RNF144B: variants seen among roughly 807,000 people sequenced by gnomAD.
RNF144B encodes the protein ring finger protein 144B, also known as E3 ubiquitin-protein ligase RNF144B.
A neutral mutation model predicts 40.2 loss-of-function variants in RNF144B; 25 were observed. That is an observed-to-expected ratio of 0.62 (90% confidence interval 0.45 to 0.87). The LOEUF (loss-of-function observed/expected upper bound fraction) is 0.87, where lower values mean the gene tolerates loss of function less well. Ranked by LOEUF, RNF144B falls within the 40% of genes least tolerant of loss-of-function variation. The pLI, the probability that RNF144B is intolerant of heterozygous loss-of-function variation, is 0.00. For synonymous variants in RNF144B, 145 were observed against 136.3 expected (o/e 1.06, Z -0.44); for missense variants, 365 against 373.7 (o/e 0.98, Z 0.19).
At chr6:18,423,480 A>C (rs1165596384) in intron 2 of RNF144B, among the ~76,000 whole-genome samples, 1 of 152,218 alleles carries the variant, frequency 6.6e-6, no homozygotes, top group Non-Finnish European at 1.5e-5. Context: ...GGGTAGGTAC[A>C]TAGTAGCTTT....
At chr6:18,402,981 A>G (rs1449698790) in intron 2 of RNF144B, among the ~76,000 whole-genome samples, 1 of 152,206 alleles carries the variant, frequency 6.6e-6, no homozygotes, top group Non-Finnish European at 1.5e-5. Context: ...TACAGATCCA[A>G]AGAGGTTGAT....
rs1227894693 is a variant in RNF144B, at chr6:18,450,758, A to G, written c.332-6397A>G. ...AATGCCCTTGTTCAGTGTTTTCTTT[A>G]AGGACAGAATCTTAATTCTAATATC... is the stretch of plus-strand genomic sequence containing the variant. On this transcript the variant is annotated intron_variant, in intron 4 of 7. Transcript: ENST00000259939. The surrounding 1 kb of genome is among the most constrained non-coding windows in gnomAD (Gnocchi z 4.7). 6.6e-6 allele frequency among the ~76,000 whole-genome samples: 1 copy of G among 152,214 alleles called. No individual in the cohort carries two copies. Among genetic ancestry groups the G allele is most frequent in the African/African-American group, 2.4e-5 (1 of 41,452 alleles).
At chr6:18,409,067 TTATTAG>T (rs1794976298) in intron 2 of RNF144B, among the ~76,000 whole-genome samples, 1 of 152,010 alleles carries the variant, frequency 6.6e-6, no homozygotes, top group Non-Finnish European at 1.5e-5. Flanking sequence ...TATTCCTGCT[TTATTAG>T]TATATTTACA....
In RNF144B at chr6:18,457,169, C is replaced by G. The variant is rs759723535; in HGVS notation, c.346C>G (p.Pro116Ala). The change falls in exon 5 of 8, where the codon CCC becomes GCC. Residue 116 changes from proline to alanine, a missense_variant. By Grantham distance (27) the Pro-to-Ala change is conservative (BLOSUM62 -1). Coordinates refer to ENST00000259939, the MANE Select transcript of RNF144B (RefSeq NM_182757.4). The surrounding 1 kb of genome is among the most constrained non-coding windows in gnomAD (Gnocchi z 5.1). ...TTACACTTTAGAAGTTCATCTGGAC[C>G]CCTACCGAACATGGTGTCCTGTTGC... ...LKFEREVHLD[P>A]YRTWCPVADC... The G allele has an allele frequency of 6.2e-7, 1 of 1,613,184 alleles. No individual in the cohort carries two copies. The highest frequency in any genetic ancestry group is 1.1e-5 in the South Asian group (1 of 91,056).
rs1190898708 is a variant in RNF144B at position 18,448,990 on chromosome 6, C to T, written c.332-8165C>T. On this transcript the variant is annotated intron_variant, in intron 4 of 7. Transcript: ENST00000259939. The surrounding 1 kb of genome is among the most constrained non-coding windows in gnomAD (Gnocchi z 4.0). Reference sequence around the variant, plus strand: ...ATGTCAGGCACTGTGTTAAGTGTCTCGTTTACAGTGTCTATTCAATCTTGA... The same window carrying T: ...ATGTCAGGCACTGTGTTAAGTGTCTTGTTTACAGTGTCTATTCAATCTTGA... 6.6e-6 allele frequency among the ~76,000 whole-genome samples: 1 copy of T among 152,122 alleles called. No individual in the cohort carries two copies. Among genetic ancestry groups the T allele is most frequent in the East Asian group, 1.9e-4 (1 of 5,196 alleles).
chr6:18,413,450 A>G (rs1390388866), intron 2 of RNF144B, among the ~76,000 whole-genome samples: 1 of 152,222 alleles, frequency 6.6e-6, no homozygotes, highest in Non-Finnish European at 1.5e-5. Flanking sequence ...CCATGGCCTC[A>G]TATTAGAGAT....
intron 3 of RNF144B, among the ~76,000 whole-genome samples, chr6:18,431,487 G>A (rs1213940713): frequency 2.0e-5 from 3 of 152,152 alleles, no homozygotes; most frequent in Admixed American, 2.0e-4. Flanking sequence ...ATTGCATACA[G>A]TTATAACATG....
chr6:18,428,091 G>A (rs145027515), intron 3 of RNF144B, among the ~76,000 whole-genome samples: 5 of 152,248 alleles, frequency 3.3e-5, no homozygotes, highest in African/African-American at 7.2e-5. Flanking sequence ...TGCTGTTCTC[G>A]TGATAGTGCG....
rs990058042 is a variant in RNF144B at position 18,395,909 on chromosome 6, A to G, written c.-36-3590A>G. 7.2e-5 allele frequency among the ~76,000 whole-genome samples: 11 copies of G among 152,204 alleles called. No individual in the cohort carries two copies. The highest frequency in any genetic ancestry group is 2.0e-4 in the Admixed American group (3 of 15,282). ...GGAATTGGTGTTATTGTACACAGAA[A>G]AATAAATCACTTTTTGAAGAATCAT... On this transcript the variant is annotated intron_variant, in intron 1 of 7. Coordinates refer to ENST00000259939, the MANE Select transcript of RNF144B (RefSeq NM_182757.4). The surrounding 1 kb of genome is among the most constrained non-coding windows in gnomAD (Gnocchi z 4.5).
At chr6:18,394,052 A>G (rs896721631) in intron 1 of RNF144B, among the ~76,000 whole-genome samples, 7 of 152,174 alleles carry the variant, frequency 4.6e-5, no homozygotes, top group Admixed American at 4.6e-4. Flanking sequence ...CATCAGTAAT[A>G]TCTAGCTGAT....
intron 6 of RNF144B, among the ~76,000 whole-genome samples, chr6:18,462,241 T>C (rs1759471151): frequency 1.3e-5 from 2 of 152,222 alleles, no homozygotes; most frequent in African/African-American, 4.8e-5. Context: ...TGTGTTCGGA[T>C]TGCCACGTAG....
intron 2 of RNF144B, among the ~76,000 whole-genome samples, chr6:18,420,228 GT>G (rs1795230556): frequency 6.6e-6 from 1 of 151,828 alleles, no homozygotes; most frequent in Non-Finnish European, 1.5e-5. Flanking sequence ...AAAATCTAAA[GT>G]CTAAAATCCT....
intron 2 of RNF144B, among the ~76,000 whole-genome samples, chr6:18,424,208 A>G (rs1405755395): frequency 6.6e-6 from 1 of 152,216 alleles, no homozygotes; most frequent in Non-Finnish European, 1.5e-5. Flanking sequence ...AGCCAGAGAT[A>G]CAGAAGAAGA....
chr6:18,395,800 C>A lies in RNF144B; in HGVS notation c.-36-3699C>A, dbSNP rs1794683528. ...GGTGCTGGCACTTGTCTACCTGAAT[C>A]TCTTTTATACAGTGGTGGTTTGACT... On this transcript the variant is annotated intron_variant, in intron 1 of 7. Transcript: ENST00000259939. The surrounding 1 kb of genome is among the most constrained non-coding windows in gnomAD (Gnocchi z 4.5). Among the ~76,000 whole-genome samples, 1 of 152,072 alleles carries A rather than the reference C, an allele frequency of 6.6e-6. No individual in the cohort carries two copies. Among genetic ancestry groups the A allele is most frequent in the African/African-American group, 2.4e-5 (1 of 41,408 alleles).
intron 1 of RNF144B, among the ~76,000 whole-genome samples, chr6:18,394,236 A>G (rs1056454272): frequency 2.0e-5 from 3 of 152,220 alleles, no homozygotes; most frequent in Non-Finnish European, 4.4e-5. Context: ...CAATTACACT[A>G]TCTTTTTGTG....
rs1759321015 is a variant in RNF144B at position 18,456,158 on chromosome 6, G to A, written c.332-997G>A. On this transcript the variant is annotated intron_variant, in intron 4 of 7. Transcript: ENST00000259939. The surrounding 1 kb of genome is among the most constrained non-coding windows in gnomAD (Gnocchi z 4.7). ...AGGATGGTCTTGATCTCCTAACCTT[G>A]TGATCCGCCTACCTCAGCCTCCCAA... Among the ~76,000 whole-genome samples the A allele has an allele frequency of 2.0e-5, 3 of 152,138 alleles. No homozygotes were observed. In the South Asian group the frequency reaches 6.2e-4, roughly 31 times the overall value.
intron 2 of RNF144B, among the ~76,000 whole-genome samples, chr6:18,409,944 T>C (rs1252612002): frequency 6.6e-6 from 1 of 152,190 alleles, no homozygotes; most frequent in Non-Finnish European, 1.5e-5. Flanking sequence ...GGGGTGATGT[T>C]ATAATGTGGA....
At chr6:18,396,044 A>G (rs1794687987) in intron 1 of RNF144B, among the ~76,000 whole-genome samples, 1 of 152,242 alleles carries the variant, frequency 6.6e-6, no homozygotes, top group Non-Finnish European at 1.5e-5. Flanking sequence ...AAAAAACAAA[A>G]TGCATCTCTG....
At position 18,466,173 on chromosome 6, in the gene RNF144B, A is replaced by C. The variant is rs183718319; in HGVS notation, c.*1106A>C. Reference sequence around the variant, plus strand: ...CCTAAAGATTTTTTGCATATTATATATGTGAATTTTGGTTGTAAGTTCATA... The same window carrying C: ...CCTAAAGATTTTTTGCATATTATATCTGTGAATTTTGGTTGTAAGTTCATA... On this transcript the variant is annotated 3_prime_UTR_variant, in exon 8 of 8. Transcript: ENST00000259939. The C allele has an allele frequency of 6.6e-6, 1 of 152,376 alleles. No homozygotes were observed. The highest frequency in any genetic ancestry group is 1.9e-4 in the East Asian group (1 of 5,190). The allele number at this position is 152,376 out of a possible 1,614,324, so 9.4% of individuals were successfully genotyped here.
Sources: allele counts gnomAD v4.1 joint callset (sites outside exome capture counted in the v4.1 genomes callset), GRCh38; gene constraint gnomAD v4.1.1; non-coding constraint Gnocchi (gnomAD v3.1); transcripts MANE v1.5; gene names NCBI Gene and HGNC (gene_info 2026-07-23, HGNC 2026-07-21).